NOSTRIN: variants seen among roughly 807,000 people sequenced by gnomAD.
NOSTRIN encodes the protein BM247 homolog.
NOSTRIN carries 63 observed loss-of-function variants against 59.0 expected under a neutral mutation model. The observed-to-expected ratio is 1.07, with a 90% confidence interval of 0.87 to 1.32. The LOEUF is 1.32. Ranked by LOEUF, NOSTRIN falls within the 40% of genes most tolerant of loss-of-function variation. The pLI, the probability that NOSTRIN is intolerant of heterozygous loss-of-function variation, is 0.00. For missense variants in NOSTRIN, 512 were observed against 473.1 expected, an observed-to-expected ratio of 1.08 and a Z score of -0.76; for synonymous variants, 200 against 165.4, an observed-to-expected ratio of 1.21 and a Z score of -1.61.
intron 1 of NOSTRIN, among the ~76,000 whole-genome samples, chr2:168,805,083 T>G (rs1006893531): frequency 3.9e-5 from 6 of 152,216 alleles, no homozygotes; most frequent in African/African-American, 1.4e-4. Context: ...CCTACGCTAC[T>G]TAAAAATGTT....
At chr2:168,799,673 A>G (rs371668130), upstream of NOSTRIN, among the ~76,000 whole-genome samples, 4 of 152,252 alleles carry the variant, frequency 2.6e-5, no homozygotes, top group African/African-American at 7.2e-5. Flanking sequence ...AGAGTCTTTT[A>G]TGATTTAGGT....
At chr2:168,794,972 TA>T (rs1685444597), upstream of NOSTRIN, among the ~76,000 whole-genome samples, 1 of 152,042 alleles carries the variant, frequency 6.6e-6, no homozygotes, top group Admixed American at 6.5e-5. Flanking sequence ...CAGTAAAGAG[TA>T]AAGCTCTATC....
At chr2:168,846,343 C>T (rs189510801) in intron 8 of NOSTRIN, among the ~76,000 whole-genome samples, 3 of 152,248 alleles carry the variant, frequency 2.0e-5, no homozygotes, top group Non-Finnish European at 4.4e-5. Flanking sequence ...TTCTTCTGTA[C>T]AAATTGAATA....
intron 2 of NOSTRIN, among the ~76,000 whole-genome samples, chr2:168,820,589 T>C (rs745387501): frequency 6.6e-6 from 1 of 151,976 alleles, no homozygotes; most frequent in Non-Finnish European, 1.5e-5. Flanking sequence ...ATTTCTAAGG[T>C]ACTTGTCTGT....
intron 3 of NOSTRIN, among the ~76,000 whole-genome samples, chr2:168,827,359 G>C (rs1028289841): frequency 1.3e-5 from 2 of 152,094 alleles, no homozygotes; most frequent in Non-Finnish European, 2.9e-5. Context: ...AACTATCTGA[G>C]CTGTTGTCCT....
intron 13 of NOSTRIN, 31 bp from the exon 14 acceptor site, chr2:168,860,764 C>A (rs376270061): frequency 7.5e-7 from 1 of 1,334,926 alleles, no homozygotes; most frequent in Non-Finnish European, 1.1e-6. Context: ...AATCGTGTTA[C>A]AAAATATGAC....
At chr2:168,796,682 A>C (rs1439432742), upstream of NOSTRIN, among the ~76,000 whole-genome samples, 1 of 152,168 alleles carries the variant, frequency 6.6e-6, no homozygotes, top group Non-Finnish European at 1.5e-5. Flanking sequence ...AAGTTCTCTA[A>C]GTGGCCCCTT....
Position 168,861,992 on chromosome 2 carries a change from T to G in NOSTRIN, c.1327T>G (p.Cys443Gly). 4.3e-6 allele frequency: 7 copies of G among 1,614,220 alleles called. No individual in the cohort carries two copies. The highest frequency in any genetic ancestry group is 5.1e-6 in the Non-Finnish European group (6 of 1,180,016). Residue 443 changes from cysteine (C) to glycine (G), a missense_variant, in exon 15 of 16, where the codon TGC (cysteine) becomes GGC (glycine). Cys to Gly is a radical substitution (Grantham distance 159, BLOSUM62 -3). Coordinates refer to ENST00000317647, the MANE Select transcript of NOSTRIN (RefSeq NM_001039724.4). Reference protein sequence around the residue: ...PGAAQLSSRLCKALYSFQARQ... With the variant: ...PGAAQLSSRLGKALYSFQARQ... ...TGCAGCCCAGCTCAGCAGCAGACTT[T>G]GCAAGGCCTTGTATTCTTTTCAAGC...
intron 1 of NOSTRIN, among the ~76,000 whole-genome samples, chr2:168,787,538 C>G (rs1375016482): frequency 2.0e-5 from 3 of 152,234 alleles, no homozygotes; most frequent in African/African-American, 7.2e-5. Flanking sequence ...TCCATCAGAA[C>G]ACTTATCACA....
At chr2:168,790,005 G>A (rs1047512738) in intron 2 of NOSTRIN, among the ~76,000 whole-genome samples, 1 of 152,180 alleles carries the variant, frequency 6.6e-6, no homozygotes, top group Non-Finnish European at 1.5e-5. Flanking sequence ...CAGTGAGAAG[G>A]AACAGTCCTA....
rs1553527194 is a variant in NOSTRIN, at chr2:168,834,507, GCACACA to G, written c.504+212_504+217del. ...TACTGGCGTGCGCGCGCGCGCGCGC[GCACACA>G]CACACACACACACACACACACACAC... is the stretch of plus-strand genomic sequence containing the variant. On this transcript the variant is annotated intron_variant, in intron 7 of 15. Coordinates refer to ENST00000317647, the MANE Select transcript of NOSTRIN (RefSeq NM_001039724.4). Among the ~76,000 whole-genome samples the G allele has an allele frequency of 2.4e-3, 301 of 125,434 alleles. 2 individuals are homozygous for G. Among genetic ancestry groups the G allele is most frequent in the Middle Eastern group, 0.013 (3 of 240 alleles). The allele number at this position is 125,434 out of a possible 152,430, so 82.3% of individuals were successfully genotyped here. A position where few individuals can be genotyped will look rare whatever the true frequency, so the allele number is the denominator to read the frequency against.
At chr2:168,825,144 G>A (rs140809953) in intron 3 of NOSTRIN, among the ~76,000 whole-genome samples, 1,759 of 152,292 alleles carry the variant, frequency 0.012, 15 homozygotes, top group Non-Finnish European at 0.017. Context: ...ATCAAGCATG[G>A]CTTCCAGTTC....
At chr2:168,795,682 AC>A (rs1685461260), upstream of NOSTRIN, among the ~76,000 whole-genome samples, 1 of 152,250 alleles carries the variant, frequency 6.6e-6, no homozygotes, top group South Asian at 2.1e-4. Context: ...GTTAATTATG[AC>A]CATTTGGGCT....
chr2:168,799,272 A>T (rs1284559310), upstream of NOSTRIN, among the ~76,000 whole-genome samples: 1 of 152,162 alleles, frequency 6.6e-6, no homozygotes, highest in Non-Finnish European at 1.5e-5. Flanking sequence ...AGTTGGCCTC[A>T]GTTGTTCTTT....
At chr2:168,847,901 T>G (rs1688524995) in intron 8 of NOSTRIN, among the ~76,000 whole-genome samples, 1 of 152,228 alleles carries the variant, frequency 6.6e-6, no homozygotes, top group African/African-American at 2.4e-5. Context: ...TTCCCTGAAA[T>G]GTAATTAAAA....
At chr2:168,839,448 G>A (rs532385465) in intron 7 of NOSTRIN, among the ~76,000 whole-genome samples, 1 of 152,102 alleles carries the variant, frequency 6.6e-6, no homozygotes, top group Non-Finnish European at 1.5e-5. Context: ...AGCCTGTCTT[G>A]TTCCATTTTC....
intron 5 of NOSTRIN, among the ~76,000 whole-genome samples, chr2:168,830,069 A>C (rs1687281191): frequency 6.6e-6 from 1 of 152,260 alleles, no homozygotes; most frequent in Non-Finnish European, 1.5e-5. Context: ...ACAGAACTTG[A>C]TAGGAATTGC....
chr2:168,841,826 T>C (rs2105713436), intron 7 of NOSTRIN, among the ~76,000 whole-genome samples: 1 of 152,338 alleles, frequency 6.6e-6, no homozygotes, highest in East Asian at 1.9e-4. Context: ...AAGTTCCAAA[T>C]ATACAGGGGA....
chr2:168,813,484 C>T (rs189896344), intron 2 of NOSTRIN, among the ~76,000 whole-genome samples: 2 of 152,232 alleles, frequency 1.3e-5, no homozygotes, highest in South Asian at 2.1e-4. Flanking sequence ...ACCTTGCCAC[C>T]GACATCTACT....
Sources: allele counts gnomAD v4.1 joint callset (sites outside exome capture counted in the v4.1 genomes callset), GRCh38; gene constraint gnomAD v4.1.1; transcripts MANE v1.5; gene names NCBI Gene and HGNC (gene_info 2026-07-23, HGNC 2026-07-21).